The following PKP4 variants were observed in gnomAD, a reference collection of about 807,000 sequenced individuals.
The protein encoded by PKP4 is plakophilin 4.
A neutral mutation model predicts 145.1 loss-of-function variants in PKP4; 90 were observed. That is an observed-to-expected ratio of 0.62 (90% CI 0.52 to 0.74). The LOEUF is 0.74. Ranked by LOEUF, PKP4 falls within the 30% of genes least tolerant of loss-of-function variation. PKP4 has a pLI of 0.00. For synonymous variants in PKP4, 563 were observed against 577.2 expected, an observed-to-expected ratio of 0.98 and a Z score of 0.35; for missense variants, 1,340 against 1,482.7, an observed-to-expected ratio of 0.90 and a Z score of 1.58.
rs1279830466 is a variant in PKP4, at chr2:158,567,519, G to A, written c.133-9752G>A. ...CCATGGGGTTAGGACAGATTGAGAT[G>A]ATTTCAAATCTTGGTTTTGAGTGAC... On this transcript the variant is annotated intron_variant, in intron 2 of 21. Coordinates refer to ENST00000389759, the MANE Select transcript of PKP4 (RefSeq NM_003628.6). 3.3e-5 allele frequency among the ~76,000 whole-genome samples: 5 copies of A among 152,294 alleles called. No individual in the cohort carries two copies. The East Asian group carries it at 9.7e-4, about 29-fold the overall frequency.
intron 8 of PKP4, among the ~76,000 whole-genome samples, chr2:158,633,526 T>A (rs2053565650): frequency 1.3e-5 from 2 of 152,236 alleles, no homozygotes; most frequent in African/African-American, 4.8e-5. Flanking sequence ...GTGTGCAATT[T>A]AAAACTTATG....
At chr2:158,543,223 A>G (rs1481433950) in intron 2 of PKP4, among the ~76,000 whole-genome samples, 3 of 152,204 alleles carry the variant, frequency 2.0e-5, no homozygotes, top group Admixed American at 6.5e-5. Context: ...CTAGTCCAAA[A>G]TATCTGAATG....
intron 1 of PKP4, among the ~76,000 whole-genome samples, chr2:158,532,281 G>C (rs1395551267): frequency 6.6e-6 from 1 of 152,160 alleles, no homozygotes. Flanking sequence ...TAAACAGATA[G>C]GGTCTCTCGG....
intron 1 of PKP4, among the ~76,000 whole-genome samples, chr2:158,523,041 G>A (rs2042555600): frequency 1.3e-5 from 2 of 152,168 alleles, no homozygotes; most frequent in Admixed American, 1.3e-4. Context: ...CAAGGCAGCA[G>A]CGAGGCTGGG....
chr2:158,462,041 T>G (rs989582147), intron 1 of PKP4, among the ~76,000 whole-genome samples: 13 of 152,248 alleles, frequency 8.5e-5, no homozygotes, highest in African/African-American at 2.9e-4. Context: ...CAGGGTACTA[T>G]GCAGGCTTTT....
chr2:158,592,229 G>A (rs1375215207), intron 3 of PKP4, among the ~76,000 whole-genome samples: 1 of 152,040 alleles, frequency 6.6e-6, no homozygotes, highest in Non-Finnish European at 1.5e-5. Context: ...AAGGGGATAT[G>A]GGATGAATTA....
At chr2:158,513,723 C>A (rs1259930278) in intron 1 of PKP4, among the ~76,000 whole-genome samples, 1 of 152,154 alleles carries the variant, frequency 6.6e-6, no homozygotes, top group Non-Finnish European at 1.5e-5. Flanking sequence ...TTTGCCTCAA[C>A]TTTCACCGTC....
chr2:158,635,580 A>G (rs6742240), intron 9 of PKP4, among the ~76,000 whole-genome samples: 102,222 of 151,956 alleles, frequency 0.67, 36,867 homozygotes, highest in East Asian at 0.92. Flanking sequence ...AGGCAGTGAA[A>G]TGTGATGAGA....
intron 3 of PKP4, among the ~76,000 whole-genome samples, chr2:158,596,504 T>C (rs1385550057): frequency 1.3e-5 from 2 of 152,124 alleles, no homozygotes; most frequent in Non-Finnish European, 2.9e-5. Flanking sequence ...ACCTGATTCA[T>C]GTATTAATTA....
At chr2:158,560,684 T>G (rs1187772903) in intron 2 of PKP4, among the ~76,000 whole-genome samples, 1 of 152,160 alleles carries the variant, frequency 6.6e-6, no homozygotes, top group Non-Finnish European at 1.5e-5. Context: ...AAAATAAAAA[T>G]TTATATTTTA....
At chr2:158,523,573 A>G (rs199551715) in intron 1 of PKP4, among the ~76,000 whole-genome samples, 28,051 of 36,324 alleles carry the variant, frequency 0.77, 11,552 homozygotes, top group East Asian at 0.93. Flanking sequence ...AACGCAGAGC[A>G]CCTCTCCTCC....
chr2:158,676,620 C>T, intron 19 of PKP4, 119 bp from the exon 20 acceptor site: 1 of 1,207,880 alleles, frequency 8.3e-7, no homozygotes, highest in Non-Finnish European at 1.2e-6. Flanking sequence ...ATTTTCAGCA[C>T]CAGCTGTGTG....
At chr2:158,583,326 G>C (rs1223581802) in intron 3 of PKP4, among the ~76,000 whole-genome samples, 1 of 152,046 alleles carries the variant, frequency 6.6e-6, no homozygotes, top group Non-Finnish European at 1.5e-5. Flanking sequence ...CTCCTCCCTA[G>C]GACTTCCCCT....
intron 3 of PKP4, among the ~76,000 whole-genome samples, chr2:158,581,608 C>G (rs1007097946): frequency 6.6e-6 from 1 of 152,160 alleles, no homozygotes; most frequent in Non-Finnish European, 1.5e-5. Flanking sequence ...ACTGTGGAAT[C>G]CTCTTCCCCG....
intron 1 of PKP4, among the ~76,000 whole-genome samples, chr2:158,510,990 C>T (rs2041455635): frequency 6.6e-6 from 1 of 152,184 alleles, no homozygotes; most frequent in Non-Finnish European, 1.5e-5. Flanking sequence ...CCTGTTGTGC[C>T]AGACCACAGA....
intron 2 of PKP4, among the ~76,000 whole-genome samples, chr2:158,541,572 A>C (rs991632185): frequency 1.3e-5 from 2 of 149,426 alleles, no homozygotes; most frequent in Admixed American, 1.4e-4. Flanking sequence ...AAGACAAATA[A>C]CATCCTATGC....
chr2:158,576,373 A>G (rs527611715), intron 2 of PKP4, among the ~76,000 whole-genome samples: 5 of 152,324 alleles, frequency 3.3e-5, no homozygotes, highest in South Asian at 2.1e-4. Context: ...ACAGTTCAGC[A>G]TTTGCTTTGA....
intron 12 of PKP4, chr2:158,659,549 A>G (rs2056348419): frequency 6.6e-6 from 1 of 152,264 alleles, no homozygotes; most frequent in Admixed American, 6.5e-5. Flanking sequence ...AGGTGCCATA[A>G]AAACAAATAG....
chr2:158,476,766 GA>G (rs1203350762), intron 1 of PKP4, among the ~76,000 whole-genome samples: 2 of 150,632 alleles, frequency 1.3e-5, no homozygotes, highest in Non-Finnish European at 3.0e-5. Context: ...AAAACTCTTT[GA>G]ATACAGAGCA....
Sources: allele counts gnomAD v4.1 joint callset (sites outside exome capture counted in the v4.1 genomes callset), GRCh38; gene constraint gnomAD v4.1.1; transcripts MANE v1.5; gene names NCBI Gene and HGNC (gene_info 2026-07-23, HGNC 2026-07-21).